The following CIRSR variants were observed in gnomAD, a reference collection of about 807,000 sequenced individuals.
CIRSR encodes the protein corepressor of RBPJ and splicing regulator.
At chr2:174,354,610 T>A in the CIRSR span, among the ~76,000 whole-genome samples, 3 of 35,302 alleles carry the variant, frequency 8.5e-5, no homozygotes, top group South Asian at 1.7e-3. Flanking sequence ...TATATTATAT[T>A]ATATATTTTA....
the CIRSR span, among the ~76,000 whole-genome samples, chr2:174,374,651 G>C: frequency 3.3e-5 from 5 of 152,174 alleles, no homozygotes; most frequent in Non-Finnish European, 5.9e-5. Context: ...GCTACGTATG[G>C]AGCTACAAAG....
the CIRSR span, among the ~76,000 whole-genome samples, chr2:174,384,162 G>A: frequency 6.9e-4 from 105 of 152,306 alleles, 1 homozygote; most frequent in East Asian, 0.013. Context: ...AATGTGGTAT[G>A]TACATACAAA....
At chr2:174,361,808 T>A in the CIRSR span, among the ~76,000 whole-genome samples, 1 of 152,218 alleles carries the variant, frequency 6.6e-6, no homozygotes, top group Non-Finnish European at 1.5e-5. Context: ...CTTATCATAT[T>A]TTACCCATTT....
the CIRSR span, among the ~76,000 whole-genome samples, chr2:174,377,452 G>T: frequency 1.3e-5 from 2 of 152,134 alleles, no homozygotes; most frequent in African/African-American, 4.8e-5. Context: ...CAGACCTGTT[G>T]TGTCACCTGA....
chr2:174,367,280 T>A, the CIRSR span, among the ~76,000 whole-genome samples: 2 of 152,116 alleles, frequency 1.3e-5, no homozygotes, highest in South Asian at 4.1e-4. Context: ...CCAAAAAGTT[T>A]TTAAAAAATT....
chr2:174,381,045 T>C, the CIRSR span, among the ~76,000 whole-genome samples: 33 of 152,332 alleles, frequency 2.2e-4, no homozygotes, highest in East Asian at 6.4e-3. Context: ...AACTTTTCAC[T>C]GTTCATTGAC....
At chr2:174,350,919 G>A in the CIRSR span, among the ~76,000 whole-genome samples, 9 of 152,272 alleles carry the variant, frequency 5.9e-5, no homozygotes, top group Admixed American at 1.3e-4. Context: ...TCTCCCTGCC[G>A]AAGTGGATCA....
At chr2:174,366,915 A>C in the CIRSR span, among the ~76,000 whole-genome samples, 2 of 152,214 alleles carry the variant, frequency 1.3e-5, no homozygotes, top group Non-Finnish European at 2.9e-5. Flanking sequence ...CATACATACA[A>C]AAGTGGTTCT....
chr2:174,389,335 G>C, the CIRSR span, among the ~76,000 whole-genome samples: 1 of 152,324 alleles, frequency 6.6e-6, no homozygotes, highest in Non-Finnish European at 1.5e-5. Context: ...TCCAGGATGA[G>C]GTGGTCTCAG....
chr2:174,351,553 G>A, the CIRSR span: 1 of 1,303,940 alleles, frequency 7.7e-7, no homozygotes, highest in Non-Finnish European at 1.1e-6. Flanking sequence ...ACATTAAGTA[G>A]CAATTCACAA....
At chr2:174,391,213 T>G in the CIRSR span, among the ~76,000 whole-genome samples, 1 of 152,112 alleles carries the variant, frequency 6.6e-6, no homozygotes, top group Non-Finnish European at 1.5e-5. Flanking sequence ...TGACAGGGTT[T>G]TGAAAAGGAT....
chr2:174,383,969 G>A, the CIRSR span, among the ~76,000 whole-genome samples: 1 of 151,938 alleles, frequency 6.6e-6, no homozygotes, highest in Non-Finnish European at 1.5e-5. Flanking sequence ...CCAGTTTCAT[G>A]GTTCCTCAAA....
the CIRSR span, chr2:174,380,671 C>T: frequency 8.7e-6 from 14 of 1,612,280 alleles, no homozygotes; most frequent in Non-Finnish European, 1.2e-5. Context: ...GGGCTCCTTT[C>T]TGCCATTCAA....
chr2:174,382,751 C>T, the CIRSR span, among the ~76,000 whole-genome samples: 2 of 151,856 alleles, frequency 1.3e-5, no homozygotes. Flanking sequence ...CTCAAAGTTC[C>T]CTGTTTGAGC....
the CIRSR span, among the ~76,000 whole-genome samples, chr2:174,355,815 T>C: frequency 1.3e-5 from 2 of 152,174 alleles, no homozygotes; most frequent in African/African-American, 2.4e-5. Context: ...GTTCTGGCTA[T>C]GAGGAAATGG....
the CIRSR span, among the ~76,000 whole-genome samples, chr2:174,356,987 T>A: frequency 6.6e-6 from 1 of 152,194 alleles, no homozygotes; most frequent in South Asian, 2.1e-4. Flanking sequence ...TCAACATTGA[T>A]AATTTTAAAA....
the CIRSR span, chr2:174,348,699 TC>T: frequency 6.2e-7 from 1 of 1,614,224 alleles, no homozygotes; most frequent in Non-Finnish European, 8.5e-7. Context: ...GCTCCTTTCC[TC>T]CCTGCCGTGG....
At chr2:174,380,467 G>C in the CIRSR span, among the ~76,000 whole-genome samples, 1 of 151,962 alleles carries the variant, frequency 6.6e-6, no homozygotes, top group Non-Finnish European at 1.5e-5. Context: ...AAATGAAAAA[G>C]TATATAAAAC....
At chr2:174,379,716 C>CT in the CIRSR span, among the ~76,000 whole-genome samples, 6,748 of 83,802 alleles carry the variant, frequency 0.081, 520 homozygotes, top group South Asian at 0.18. Context: ...TGATTCCTGT[C>CT]TTTTTTTTTT....
Sources: allele counts gnomAD v4.1 joint callset (sites outside exome capture counted in the v4.1 genomes callset), GRCh38; gene constraint gnomAD v4.1.1; transcripts MANE v1.5; gene names NCBI Gene and HGNC (gene_info 2026-07-23, HGNC 2026-07-21).